SPTB: variants seen among roughly 807,000 people sequenced by gnomAD.
SPTB encodes spectrin beta chain, erythrocytic.
Under a neutral mutation model 256.2 loss-of-function variants are expected in SPTB, and 45 were observed. That is an observed-to-expected ratio of 0.18 (90% CI 0.14 to 0.23). SPTB has a LOEUF of 0.23. SPTB is among the 10% of genes least tolerant of loss of function. The pLI, the probability that SPTB is intolerant of heterozygous loss-of-function variation, is 1.00. For missense variants in SPTB, 2,715 were observed against 3,040.4 expected (o/e 0.89, Z 2.52); for synonymous variants, 1,231 against 1,243.1 (o/e 0.99, Z 0.21).
At chr14:64,870,347 T>C (rs1484098081) in intron 1 of SPTB, among the ~76,000 whole-genome samples, 1 of 151,436 alleles carries the variant, frequency 6.6e-6, no homozygotes, top group Non-Finnish European at 1.5e-5. Context: ...GAGGAAGTTC[T>C]TCACCCAAGG....
chr14:64,765,025 C>CGTGTGTGTGTGT (rs565885364), intron 32 of SPTB, among the ~76,000 whole-genome samples: 62 of 118,322 alleles, frequency 5.2e-4, no homozygotes, highest in African/African-American at 1.8e-3. Flanking sequence ...GGAGTGTGTG[C>CGTGTGTGTGTGT]GTGTGTGTGT....
intron 1 of SPTB, among the ~76,000 whole-genome samples, chr14:64,839,606 A>T (rs2083574833): frequency 6.6e-6 from 1 of 152,252 alleles, no homozygotes; most frequent in Non-Finnish European, 1.5e-5. Flanking sequence ...TAAAACTAAA[A>T]TTATAAATAA....
rs147918278 is a variant in SPTB, at chr14:64,787,019, G to A, written c.2946C>T (p.Asp982=). Residue 982 remains aspartate (D), a synonymous_variant, in exon 16 of 36, where the codon GAC becomes GAT. Transcript: ENST00000644917. ...TGATACCTGCCAGGTCCCGCCCCAGGTCTTTTGTGGACTCCACTACCTTTG... is the reference window on the plus strand; with the variant it reads ...TGATACCTGCCAGGTCCCGCCCCAGATCTTTTGTGGACTCCACTACCTTTG... The part of the protein sequence containing the change: ...DKTKVVESTK[D]LGRDLAGIIA... 2.4e-5 allele frequency: 39 copies of A among 1,614,130 alleles called. No individual in the cohort carries two copies. In the African/African-American group the frequency reaches 4.9e-4, roughly 20 times the overall value.
rs1364421159 is a variant in SPTB at position 64,792,286 on chromosome 14, A to T, written c.2667-430T>A. Among the ~76,000 whole-genome samples the T allele has an allele frequency of 6.6e-6, 1 of 152,212 alleles. No individual in the cohort carries two copies. The highest frequency in any genetic ancestry group is 1.5e-5 in the Non-Finnish European group (1 of 68,034). ...AACCCAAAAGATACCCTTTCCAGCC[A>T]GGTGCTCCATTCCTGGGTAAGATAA... On this transcript the variant is annotated intron_variant, in intron 14 of 35. Transcript: ENST00000644917. The surrounding 1 kb of genome is among the most constrained non-coding windows in gnomAD (Gnocchi z 4.2).
chr14:64,793,832 G>C lies in SPTB; in HGVS notation c.1831C>G (p.Arg611Gly). 1 of 1,609,866 alleles carries C rather than the reference G, an allele frequency of 6.2e-7. No individual in the cohort carries two copies. The highest frequency in any genetic ancestry group is 2.2e-5 in the East Asian group (1 of 44,868). ...QPCDPQVIQD[R>G]ISHLEQCFEE... ...AAGCACTGCTCCAAGTGGCTGATGC[G>C]GTCCTGGATGACCTGGGGGTCACAA... The change falls in exon 14 of 36, where the codon CGC (arginine) becomes GGC (glycine). Residue 611 changes from arginine to glycine, a missense_variant. Arg to Gly is a moderately radical substitution (Grantham distance 125, BLOSUM62 -2). Around this residue, in one of 4 missense-constraint regions of SPTB, gnomAD observed 2,239 missense variants for 2,384.4 expected, o/e 0.94. Transcript: ENST00000644917. This position sits in a 1 kb window ranked among gnomAD's most constrained non-coding sequence, Gnocchi z 7.0.
chr14:64,748,936 C>CT lies in SPTB; in HGVS notation c.*369dup, dbSNP rs34353769. 147 of 128,742 alleles carry CT rather than the reference C, an allele frequency of 1.1e-3. 1 individual carries two copies. The highest frequency in any genetic ancestry group is 8.7e-3 in the East Asian group (38 of 4,372). 8.0% of individuals were successfully genotyped at this position (128,742 alleles called of 1,614,324 possible). On this transcript the variant is annotated 3_prime_UTR_variant, in exon 36 of 36. Coordinates refer to ENST00000644917, the MANE Select transcript of SPTB (RefSeq NM_001355436.2). Reference sequence around the variant, plus strand: ...AGAACCCCATCAGCCTTCTCCAGCTCTTTTTTTTTTTTTTTTTTGGTTGGG... The same window carrying CT: ...AGAACCCCATCAGCCTTCTCCAGCTCTTTTTTTTTTTTTTTTTTTGGTTGGG...
intron 32 of SPTB, chr14:64,754,123 T>G: frequency 2.3e-6 from 1 of 444,126 alleles, no homozygotes; most frequent in Non-Finnish European, 4.2e-6. Context: ...ATTAAAGGGG[T>G]GTGAGGGGGG....
chr14:64,829,527 G>T (rs1446022151), intron 1 of SPTB, among the ~76,000 whole-genome samples: 4 of 152,166 alleles, frequency 2.6e-5, no homozygotes, highest in Non-Finnish European at 5.9e-5. Context: ...TGGCATTATG[G>T]TTATGTAAGA....
rs2139412257 is a variant in SPTB, at chr14:64,748,737, C to T, written c.*569G>A. 6.5e-6 allele frequency: 1 copy of T among 154,778 alleles called. No individual in the cohort carries two copies. Among genetic ancestry groups the T allele is most frequent in the Non-Finnish European group, 1.4e-5 (1 of 70,014 alleles). The allele number at this position is 154,778 out of a possible 1,614,324, so 9.6% of individuals were successfully genotyped here. ...ACCCAGTCTGGTCCCCTCAGCCCCCCAGAGCCCCTGGCCCAGAGCTAGGGC... is the reference window on the plus strand; with the variant it reads ...ACCCAGTCTGGTCCCCTCAGCCCCCTAGAGCCCCTGGCCCAGAGCTAGGGC... On this transcript the variant is annotated 3_prime_UTR_variant, in exon 36 of 36. Coordinates refer to ENST00000644917, the MANE Select transcript of SPTB (RefSeq NM_001355436.2).
chr14:64,808,300 C>T (rs567460494), intron 2 of SPTB, among the ~76,000 whole-genome samples: 1 of 152,304 alleles, frequency 6.6e-6, no homozygotes, highest in South Asian at 2.1e-4. Context: ...GCATGAGCCA[C>T]CGTGCATGGC....
rs2082771256 is a variant in SPTB at position 64,796,485 on chromosome 14, C to T, written c.1341+72G>A. ...AGGCTGTGAGAAGCCAGCTTGGACT[C>T]CAGCCCAGCCAAGAGCTGGGGGCTC... On this transcript the variant is annotated intron_variant, in intron 11 of 35. Coordinates refer to ENST00000644917, the MANE Select transcript of SPTB (RefSeq NM_001355436.2). This position sits in a 1 kb window ranked among gnomAD's most constrained non-coding sequence, Gnocchi z 4.1. 2.5e-6 allele frequency: 4 copies of T among 1,607,236 alleles called. No individual in the cohort carries two copies. Among genetic ancestry groups the T allele is most frequent in the Non-Finnish European group, 3.4e-6 (4 of 1,176,196 alleles).
chr14:64,784,144 A>G lies in SPTB; in HGVS notation c.4002+103T>C, dbSNP rs1031018815. On this transcript the variant is annotated intron_variant, in intron 19 of 35. Coordinates refer to ENST00000644917, the MANE Select transcript of SPTB (RefSeq NM_001355436.2). The stretch of plus-strand genomic sequence containing the variant: ...AAAGTTGTTCGCTGCCACGTTCTGT[A>G]CTGTCAGCAAGCTTTAGGACAGGGT... 14 of 1,555,488 alleles carry G rather than the reference A, an allele frequency of 9.0e-6. No homozygotes were observed. The African/African-American group carries it at 1.6e-4, about 18-fold the overall frequency.
At chr14:64,874,032 A>G (rs1882686769) in intron 1 of SPTB, among the ~76,000 whole-genome samples, 1 of 152,190 alleles carries the variant, frequency 6.6e-6, no homozygotes, top group South Asian at 2.1e-4. Context: ...AGCTTTGTCA[A>G]CAAAGATTTC....
At position 64,866,420 on chromosome 14, in the gene SPTB, G is replaced by C. The variant is rs190801334; in HGVS notation, c.-52+13372C>G. 2.4e-4 allele frequency among the ~76,000 whole-genome samples: 36 copies of C among 152,256 alleles called. No individual in the cohort carries two copies. The highest frequency in any genetic ancestry group is 4.1e-4 in the Non-Finnish European group (28 of 68,024). On this transcript the variant is annotated intron_variant, in intron 1 of 35. Coordinates refer to ENST00000644917, the MANE Select transcript of SPTB (RefSeq NM_001355436.2). The surrounding 1 kb of genome is among the most constrained non-coding windows in gnomAD (Gnocchi z 4.6). ...CTCACAAGGCCTAACTTTGTCCCCT[G>C]CCCTTCTTTATCCCAGGCACATCTT...
In SPTB at chr14:64,777,108, T is replaced by A. The variant is rs891050535; in HGVS notation, c.4564-1705A>T. ...GAGTCAGGGAGGGCCTCTCTGAGGA[T>A]ACGAAACTTGACCATGACATGAATG... is the stretch of plus-strand genomic sequence containing the variant. On this transcript the variant is annotated intron_variant, in intron 22 of 35. Coordinates refer to ENST00000644917, the MANE Select transcript of SPTB (RefSeq NM_001355436.2). This position sits in a 1 kb window ranked among gnomAD's most constrained non-coding sequence, Gnocchi z 4.5. Among the ~76,000 whole-genome samples, 3 of 152,248 alleles carry A rather than the reference T, an allele frequency of 2.0e-5. No individual in the cohort carries two copies. Among genetic ancestry groups the A allele is most frequent in the East Asian group, 1.9e-4 (1 of 5,174 alleles).
rs774911028 is a variant in SPTB, at chr14:64,803,590, AC to A, written c.474+16del. ...CTTGAGGGCTCCCTCGACTTCCTCT[AC>A]CCCCCAGGAACCCACCTGGAAGCGG... is the stretch of plus-strand genomic sequence containing the variant. On this transcript the variant is annotated intron_variant, in intron 4 of 35. Coordinates refer to ENST00000644917, the MANE Select transcript of SPTB (RefSeq NM_001355436.2). 5 of 1,613,538 alleles carry A rather than the reference AC, an allele frequency of 3.1e-6. No individual in the cohort carries two copies. The highest frequency in any genetic ancestry group is 1.7e-5 in the Admixed American group (1 of 59,974).
chr14:64,789,458 C>T (rs895193482), intron 15 of SPTB, among the ~76,000 whole-genome samples: 4 of 151,812 alleles, frequency 2.6e-5, no homozygotes, highest in African/African-American at 9.7e-5. Flanking sequence ...TGGTGATAAG[C>T]GCAAAGAAAA....
In SPTB at chr14:64,785,353, A is replaced by C. The variant is rs1252658319; in HGVS notation, c.3855+184T>G. Among the ~76,000 whole-genome samples, 4 of 134,128 alleles carry C rather than the reference A, an allele frequency of 3.0e-5. No individual in the cohort carries two copies. Among genetic ancestry groups the C allele is most frequent in the Non-Finnish European group, 5.4e-5 (3 of 55,960 alleles). 88.0% of individuals were successfully genotyped at this position (134,128 alleles called of 152,430 possible). On this transcript the variant is annotated intron_variant, in intron 18 of 35. Transcript: ENST00000644917. This position sits in a 1 kb window ranked among gnomAD's most constrained non-coding sequence, Gnocchi z 4.4. The stretch of plus-strand genomic sequence containing the variant: ...GTTAAGGATGACTTTTCAGATTTGA[A>C]AAAAAAAAAACAGTGCAACTGAAGA...
chr14:64,813,071 A>G (rs985833440), intron 2 of SPTB, among the ~76,000 whole-genome samples: 1 of 152,228 alleles, frequency 6.6e-6, no homozygotes, highest in African/African-American at 2.4e-5. Flanking sequence ...TTTCAAACCT[A>G]TATCCTAATG....
Sources: gnomAD v4.1 joint callset for allele counts (sites outside exome capture counted in the v4.1 genomes callset) on GRCh38, gnomAD v4.1.1 for gene constraint, gnomAD v4.1.1 regional missense constraint, Gnocchi (gnomAD v3.1) non-coding constraint, MANE v1.5 for transcripts, NCBI Gene and HGNC (gene_info 2026-07-23, HGNC 2026-07-21) for gene names.